TBC1D1: variants seen among roughly 807,000 people sequenced by gnomAD.
The protein encoded by TBC1D1 is TBC1 domain family member 1, also known as TBC1 (tre-2/USP6, BUB2, cdc16) domain family, member 1.
A neutral mutation model predicts 125.6 loss-of-function variants in TBC1D1; 89 were observed. The observed-to-expected ratio is 0.71, with a 90% CI of 0.60 to 0.85. The LOEUF (loss-of-function observed/expected upper bound fraction) is 0.85, where lower values mean the gene tolerates loss of function less well. Among genes scored for constraint, TBC1D1 ranks in the 40% least tolerant of loss-of-function variants. TBC1D1 has a pLI of 0.00. For missense variants in TBC1D1, 1,377 were observed against 1,469.2 expected, an observed-to-expected ratio of 0.94 and a Z score of 1.03; for synonymous variants, 565 against 564.1, an observed-to-expected ratio of 1.00 and a Z score of -0.02.
rs114528422 is a variant in TBC1D1, at chr4:38,113,642, C to T, written c.2558-2068C>T. On this transcript the variant is annotated intron_variant, in intron 15 of 19. Transcript: ENST00000261439. ...GCAGAAATGCAGAAGTGGGGAAGTG[C>T]TCCATCTTCTTGGAAGCTGAGCTGG... 8.0e-3 allele frequency among the ~76,000 whole-genome samples: 1,219 copies of T among 152,278 alleles called. 16 individuals are homozygous for T. Among genetic ancestry groups the T allele is most frequent in the African/African-American group, 0.028 (1,164 of 41,542 alleles).
chr4:37,928,584 G>A (rs1273143108), intron 2 of TBC1D1, among the ~76,000 whole-genome samples: 2 of 152,162 alleles, frequency 1.3e-5, no homozygotes, highest in African/African-American at 2.4e-5. Context: ...TCTTGCCGCT[G>A]TAGCGCAGCC....
intron 12 of TBC1D1, among the ~76,000 whole-genome samples, chr4:38,057,757 TA>T (rs1191372138): frequency 6.6e-6 from 1 of 152,244 alleles, no homozygotes; most frequent in Non-Finnish European, 1.5e-5. Flanking sequence ...TCGACATTTT[TA>T]TGAAGCCCAT....
At chr4:38,105,717 G>A (rs11728851) in intron 15 of TBC1D1, among the ~76,000 whole-genome samples, 31,360 of 152,150 alleles carry the variant, frequency 0.21, 3,927 homozygotes, top group Non-Finnish European at 0.28. Context: ...GAATTAGTTT[G>A]CTTAGGGTAA....
chr4:38,123,209 C>G (rs1163816801), intron 17 of TBC1D1, among the ~76,000 whole-genome samples: 1 of 151,654 alleles, frequency 6.6e-6, no homozygotes, highest in Non-Finnish European at 1.5e-5. Context: ...AAGCCTTTCC[C>G]CAGGATCCCT....
intron 10 of TBC1D1, among the ~76,000 whole-genome samples, chr4:38,046,353 C>T (rs1749469015): frequency 1.3e-5 from 2 of 148,884 alleles, no homozygotes; most frequent in African/African-American, 5.0e-5. Flanking sequence ...GCCTGTGTGA[C>T]AGAGAGAGAC....
Position 37,909,225 on chromosome 4 carries a change from A to G in TBC1D1, c.417+6713A>G, listed in dbSNP as rs113082577. Among the ~76,000 whole-genome samples, 501 of 152,294 alleles carry G rather than the reference A, an allele frequency of 3.3e-3. 2 individuals are homozygous for G. The highest frequency in any genetic ancestry group is 0.012 in the African/African-American group (479 of 41,566). On this transcript the variant is annotated intron_variant, in intron 2 of 19. Coordinates refer to ENST00000261439, the MANE Select transcript of TBC1D1 (RefSeq NM_015173.4). ...CTCTCTGGGCTGCATGTTACCTCGC[A>G]TATTAAACAAGAAGGCAGTCTGAAG...
intron 8 of TBC1D1, among the ~76,000 whole-genome samples, chr4:38,036,991 T>C (rs1747338613): frequency 1.3e-5 from 2 of 152,146 alleles, no homozygotes; most frequent in South Asian, 4.1e-4. Context: ...TTCCACTCCC[T>C]TTTTCCCCTC....
intron 2 of TBC1D1, among the ~76,000 whole-genome samples, chr4:37,982,866 C>T (rs914706808): frequency 6.6e-6 from 1 of 152,140 alleles, no homozygotes. Context: ...CATTCATTGA[C>T]GAATGTACTA....
At chr4:38,124,642 A>G (rs1308093640) in intron 17 of TBC1D1, among the ~76,000 whole-genome samples, 1 of 152,226 alleles carries the variant, frequency 6.6e-6, no homozygotes, top group East Asian at 1.9e-4. Flanking sequence ...AACATGTTTT[A>G]GTATCTCCTT....
chr4:37,955,594 CT>C (rs1274267515), intron 2 of TBC1D1, among the ~76,000 whole-genome samples: 2 of 152,148 alleles, frequency 1.3e-5, no homozygotes, highest in African/African-American at 4.8e-5. Flanking sequence ...CACAACCATC[CT>C]TTGTTTTTTC....
At chr4:37,900,040 G>A (rs1244655074) in intron 1 of TBC1D1, among the ~76,000 whole-genome samples, 1 of 151,516 alleles carries the variant, frequency 6.6e-6, no homozygotes, top group Admixed American at 6.6e-5. Context: ...AGAATGGCGC[G>A]AACCCGGGAG....
intron 2 of TBC1D1, among the ~76,000 whole-genome samples, chr4:37,915,494 G>A (rs1489571315): frequency 6.6e-6 from 1 of 152,188 alleles, no homozygotes; most frequent in African/African-American, 2.4e-5. Flanking sequence ...AAGCAATCAG[G>A]TAGAGAGCAA....
chr4:37,978,881 AATT>A (rs959149882), intron 2 of TBC1D1, among the ~76,000 whole-genome samples: 3 of 152,054 alleles, frequency 2.0e-5, no homozygotes, highest in African/African-American at 7.2e-5. Context: ...GTTATTTCAA[AATT>A]ATTATTTTTG....
chr4:38,039,960 T>C (rs1399537288), intron 8 of TBC1D1, among the ~76,000 whole-genome samples: 1 of 151,984 alleles, frequency 6.6e-6, no homozygotes, highest in Non-Finnish European at 1.5e-5. Context: ...GTTTTTTTTT[T>C]TTAAAGAAAT....
intron 2 of TBC1D1, among the ~76,000 whole-genome samples, chr4:37,991,570 T>C (rs150966719): frequency 2.0e-3 from 302 of 151,854 alleles, no homozygotes; most frequent in African/African-American, 6.6e-3. Flanking sequence ...CTGGTAAGGC[T>C]TGTGAGTTTC....
At chr4:37,950,966 GT>G (rs1405736034) in intron 2 of TBC1D1, among the ~76,000 whole-genome samples, 2 of 152,010 alleles carry the variant, frequency 1.3e-5, no homozygotes, top group South Asian at 2.1e-4. Flanking sequence ...GTTTCACCAT[GT>G]TGGCCAAGCT....
chr4:38,101,204 C>G (rs1760262233), intron 14 of TBC1D1, among the ~76,000 whole-genome samples: 1 of 152,216 alleles, frequency 6.6e-6, no homozygotes, highest in Non-Finnish European at 1.5e-5. Context: ...AGACAGAAAC[C>G]AGAGAAACCA....
intron 2 of TBC1D1, among the ~76,000 whole-genome samples, chr4:37,990,155 A>G (rs931289457): frequency 3.9e-5 from 6 of 152,186 alleles, no homozygotes; most frequent in Admixed American, 6.5e-5. Context: ...ACACTGGTCT[A>G]TTGTGACAGT....
chr4:37,987,575 A>T (rs565755503), intron 2 of TBC1D1, among the ~76,000 whole-genome samples: 2 of 152,366 alleles, frequency 1.3e-5, no homozygotes, highest in South Asian at 4.1e-4. Flanking sequence ...TTTTAAAAAT[A>T]GATATACCAT....
Sources: gnomAD v4.1 joint callset for allele counts (sites outside exome capture counted in the v4.1 genomes callset) on GRCh38, gnomAD v4.1.1 for gene constraint, MANE v1.5 for transcripts, NCBI Gene and HGNC (gene_info 2026-07-23, HGNC 2026-07-21) for gene names.